The following SLC30A8 variants were observed in gnomAD, a reference collection of about 807,000 sequenced individuals.
SLC30A8 encodes proton-coupled zinc antiporter SLC30A8.
In SLC30A8, 27 loss-of-function variants were observed where a neutral mutation model predicts 36.9. The ratio of observed to expected loss-of-function variants is 0.73; its 90% CI spans 0.54 to 1.01. SLC30A8 has a LOEUF of 1.01. Ranked by LOEUF, SLC30A8 falls within the 50% of genes least tolerant of loss-of-function variation. The pLI, the probability that SLC30A8 is intolerant of heterozygous loss-of-function variation, is 0.00. For missense variants in SLC30A8, 439 were observed against 452.0 expected, an observed-to-expected ratio of 0.97 and a Z score of 0.26; for synonymous variants, 164 against 172.4, an observed-to-expected ratio of 0.95 and a Z score of 0.38.
chr8:116,974,844 A>G (rs1272060595), intron 1 of SLC30A8, among the ~76,000 whole-genome samples: 1 of 152,130 alleles, frequency 6.6e-6, no homozygotes, highest in African/African-American at 2.4e-5. Context: ...ACTCCATGGT[A>G]TACTATGCAG....
intron 1 of SLC30A8, among the ~76,000 whole-genome samples, chr8:116,975,985 G>C (rs1053326251): frequency 6.6e-6 from 1 of 152,168 alleles, no homozygotes; most frequent in Admixed American, 6.5e-5. Context: ...ATATGGGAGA[G>C]GAGAATGGGT....
chr8:117,055,605 G>A (rs184507745), intron 2 of SLC30A8, among the ~76,000 whole-genome samples: 2 of 152,274 alleles, frequency 1.3e-5, no homozygotes, highest in Admixed American at 1.3e-4. Flanking sequence ...TCTATATTCT[G>A]TGTATTCTTA....
At chr8:117,027,263 A>G (rs879389535) in intron 1 of SLC30A8, among the ~76,000 whole-genome samples, 1 of 152,066 alleles carries the variant, frequency 6.6e-6, no homozygotes, top group Non-Finnish European at 1.5e-5. Context: ...TCTCAACACC[A>G]TTTCCTGTCA....
chr8:117,073,099 A>T (rs190852123), intron 2 of SLC30A8, among the ~76,000 whole-genome samples: 1 of 152,122 alleles, frequency 6.6e-6, no homozygotes, highest in African/African-American at 2.4e-5. Context: ...CTGCATTTCC[A>T]TAGCCACCAT....
intron 2 of SLC30A8, among the ~76,000 whole-genome samples, chr8:117,087,111 G>A (rs1818909932): frequency 6.6e-6 from 1 of 152,160 alleles, no homozygotes; most frequent in African/African-American, 2.4e-5. Flanking sequence ...GGATTTCTCG[G>A]AAATGGAATC....
chr8:117,028,302 C>T (rs1816934417), intron 1 of SLC30A8, among the ~76,000 whole-genome samples: 1 of 152,144 alleles, frequency 6.6e-6, no homozygotes, highest in Non-Finnish European at 1.5e-5. Context: ...AGCATAAAAG[C>T]TCAGATCTTT....
chr8:117,015,014 AATATAT>A, intron 1 of SLC30A8, among the ~76,000 whole-genome samples: 1 of 147,698 alleles, frequency 6.8e-6, no homozygotes, highest in Middle Eastern at 3.6e-3. Flanking sequence ...ATATATTACA[AATATAT>A]ATATATATAG....
Position 117,041,701 on chromosome 8 carries a change from A to T in SLC30A8, c.-226+2443A>T, listed in dbSNP as rs998918785. ...GTAAACTCTGTCTCAAAAAAAAAAT[A>T]AAAAAATAAAAAAAATTCTGATGGT... On this transcript the variant is annotated intron_variant, in intron 2 of 10. Transcript: ENST00000427715. Among the ~76,000 whole-genome samples, 47 of 152,236 alleles carry T rather than the reference A, an allele frequency of 3.1e-4. 1 individual carries two copies. The highest frequency in any genetic ancestry group is 8.9e-4 in the African/African-American group (37 of 41,554).
chr8:117,118,340 C>A (rs1249823038), intron 2 of SLC30A8, among the ~76,000 whole-genome samples: 2 of 152,032 alleles, frequency 1.3e-5, no homozygotes, highest in African/African-American at 4.8e-5. Flanking sequence ...CAACTCAAAA[C>A]ACCTTTTCAC....
intron 1 of SLC30A8, 103 bp downstream of exon 1, chr8:117,135,501 G>A (rs770909841): frequency 1.4e-6 from 1 of 737,488 alleles, no homozygotes; most frequent in East Asian, 2.8e-5. Flanking sequence ...TGCAACTTGG[G>A]GGCACTCTGG....
chr8:117,129,112 A>G (rs1454597801), intron 2 of SLC30A8, among the ~76,000 whole-genome samples: 1 of 152,036 alleles, frequency 6.6e-6, no homozygotes, highest in East Asian at 1.9e-4. Context: ...AGATAATCAC[A>G]TCTACCCAGC....
At chr8:116,983,924 A>T (rs1294056077) in intron 1 of SLC30A8, among the ~76,000 whole-genome samples, 1 of 152,172 alleles carries the variant, frequency 6.6e-6, no homozygotes, top group Non-Finnish European at 1.5e-5. Context: ...CCACAATCAC[A>T]ATCAAGATGC....
At chr8:117,046,656 A>G (rs948923705) in intron 2 of SLC30A8, among the ~76,000 whole-genome samples, 2 of 152,234 alleles carry the variant, frequency 1.3e-5, no homozygotes, top group African/African-American at 4.8e-5. Context: ...GAATCCCCTT[A>G]GAGACATAGA....
At chr8:117,104,977 A>G (rs1819917005) in intron 2 of SLC30A8, among the ~76,000 whole-genome samples, 2 of 152,084 alleles carry the variant, frequency 1.3e-5, no homozygotes, top group Admixed American at 1.3e-4. Flanking sequence ...GCAAGCTAAT[A>G]TATTATAATT....
At chr8:117,077,050 C>G (rs7815190) in intron 2 of SLC30A8, among the ~76,000 whole-genome samples, 49,093 of 151,990 alleles carry the variant, frequency 0.32, 8,697 homozygotes, top group African/African-American at 0.48. Context: ...GAATGTTTTT[C>G]AGTTCTGCAA....
At chr8:117,125,662 A>G (rs1033099159) in intron 2 of SLC30A8, among the ~76,000 whole-genome samples, 2 of 151,956 alleles carry the variant, frequency 1.3e-5, no homozygotes, top group Non-Finnish European at 2.9e-5. Context: ...AGTTACAAGA[A>G]TGATAAAATG....
chr8:116,967,226 C>T (rs1386281450), intron 1 of SLC30A8, among the ~76,000 whole-genome samples: 1 of 152,016 alleles, frequency 6.6e-6, no homozygotes, highest in Non-Finnish European at 1.5e-5. Context: ...AATTTAAAAA[C>T]ACAAACAAAA....
intron 2 of SLC30A8, among the ~76,000 whole-genome samples, chr8:117,116,241 A>T (rs554131693): frequency 3.8e-4 from 58 of 152,112 alleles, no homozygotes; most frequent in African/African-American, 1.3e-3. Context: ...GTGTAATGGG[A>T]TGGCACTGGA....
chr8:116,990,523 A>G (rs1008583203), intron 1 of SLC30A8, among the ~76,000 whole-genome samples: 1 of 152,196 alleles, frequency 6.6e-6, no homozygotes. Context: ...AGAATTCTAC[A>G]AAATATCTGA....
Sources: gnomAD v4.1 joint callset for allele counts (sites outside exome capture counted in the v4.1 genomes callset) on GRCh38, gnomAD v4.1.1 for gene constraint, MANE v1.5 for transcripts, NCBI Gene and HGNC (gene_info 2026-07-23, HGNC 2026-07-21) for gene names.